Variants in ESRRG observed in about 807,000 individuals in gnomAD.
ESRRG encodes the protein estrogen-related receptor gamma.
Under a neutral mutation model 44.0 loss-of-function variants are expected in ESRRG, and 13 were observed. That is an observed-to-expected ratio of 0.30 (90% CI 0.19 to 0.47). The LOEUF is 0.47. ESRRG is among the 20% of genes least tolerant of loss of function. The probability of loss-of-function intolerance (pLI) is 1.00; values close to 1 mark genes in which losing one functional copy is unlikely to be tolerated. For synonymous variants in ESRRG, 215 were observed against 214.6 expected (o/e 1.00, Z -0.02); for missense variants, 395 against 580.6 (o/e 0.68, Z 3.29).
intron 2 of ESRRG, among the ~76,000 whole-genome samples, chr1:216,736,233 A>G (rs1175023839): frequency 8.1e-6 from 1 of 122,826 alleles, no homozygotes; most frequent in African/African-American, 3.2e-5. Flanking sequence ...CTCAGGCTGG[A>G]GTGCAGTGGC....
At chr1:217,001,789 T>C (rs2077065089) in intron 1 of ESRRG, among the ~76,000 whole-genome samples, 1 of 152,084 alleles carries the variant, frequency 6.6e-6, no homozygotes, top group Non-Finnish European at 1.5e-5. Context: ...ACTTTGACTT[T>C]TACTGAAGGA....
intron 2 of ESRRG, among the ~76,000 whole-genome samples, chr1:216,930,353 A>G (rs2063174920): frequency 6.6e-6 from 1 of 152,088 alleles, no homozygotes; most frequent in African/African-American, 2.4e-5. Context: ...CAGGTGATCC[A>G]TTTATTCATC....
chr1:216,677,198 T>C lies in ESRRG; in HGVS notation c.350A>G (p.Glu117Gly). ...CTTGGGCATCGAGTTGAGCATGTAT[T>C]CACACTTGGTCTGGGGATCTTCAAC... ...TIVEDPQTKC[E>G]YMLNSMPKRL... The change falls in exon 2 of 7, where the codon GAA (glutamate) becomes GGA (glycine). Residue 117 changes from glutamate (E) to glycine (G), a missense_variant. By Grantham distance (98) the Glu-to-Gly change is moderately conservative (BLOSUM62 -2). Transcript: ENST00000408911. The C allele has an allele frequency of 6.2e-7, 1 of 1,614,170 alleles. No individual in the cohort carries two copies. Among genetic ancestry groups the C allele is most frequent in the East Asian group, 2.2e-5 (1 of 44,866 alleles).
At chr1:216,764,063 A>G (rs2092940672) in intron 2 of ESRRG, among the ~76,000 whole-genome samples, 1 of 152,146 alleles carries the variant, frequency 6.6e-6, no homozygotes, top group African/African-American at 2.4e-5. Flanking sequence ...CGGAATCTCC[A>G]GGGGCTCTTG....
At chr1:216,659,676 T>C (rs943459554) in intron 2 of ESRRG, among the ~76,000 whole-genome samples, 1 of 152,208 alleles carries the variant, frequency 6.6e-6, no homozygotes, top group Non-Finnish European at 1.5e-5. Flanking sequence ...CTCTATGTGC[T>C]GCTTCTATCA....
At chr1:217,041,421 T>G (rs2083843860) in intron 1 of ESRRG, among the ~76,000 whole-genome samples, 1 of 152,122 alleles carries the variant, frequency 6.6e-6, no homozygotes, top group Admixed American at 6.5e-5. Context: ...ATAAACACAC[T>G]CACACACATA....
intron 2 of ESRRG, among the ~76,000 whole-genome samples, chr1:216,755,628 A>G (rs2092395660): frequency 1.3e-5 from 2 of 152,110 alleles, no homozygotes; most frequent in African/African-American, 2.4e-5. Flanking sequence ...TTTTAACTCA[A>G]TCCTTGCTGT....
chr1:216,569,199 A>G (rs867966353), intron 3 of ESRRG, among the ~76,000 whole-genome samples: 2 of 97,066 alleles, frequency 2.1e-5, no homozygotes, highest in African/African-American at 8.3e-5. Flanking sequence ...AGGGAAAGGA[A>G]AGGAAAGGAA....
At chr1:216,659,830 C>T (rs1040058109) in intron 2 of ESRRG, among the ~76,000 whole-genome samples, 11 of 152,056 alleles carry the variant, frequency 7.2e-5, no homozygotes, top group African/African-American at 2.4e-4. Flanking sequence ...GTGGAATTGC[C>T]CCCTTCCTGT....
chr1:216,525,160 G>A, intron 5 of ESRRG, among the ~76,000 whole-genome samples: 1 of 152,238 alleles, frequency 6.6e-6, no homozygotes, highest in East Asian at 1.9e-4. Flanking sequence ...TGACAATACA[G>A]GAAAGACTCA....
chr1:216,615,736 C>CTCT (rs1553421052), intron 3 of ESRRG, among the ~76,000 whole-genome samples: 10 of 137,238 alleles, frequency 7.3e-5, no homozygotes, highest in South Asian at 4.6e-4. Context: ...ATTTCTCTCT[C>CTCT]TTTTTTTTTT....
intron 1 of ESRRG, among the ~76,000 whole-genome samples, chr1:217,064,085 C>T (rs1199676271): frequency 6.6e-6 from 1 of 151,670 alleles, no homozygotes; most frequent in Non-Finnish European, 1.5e-5. Context: ...GTAAAATACA[C>T]AAAGCACAAG....
chr1:216,982,004 G>T (rs78716066), intron 1 of ESRRG, among the ~76,000 whole-genome samples: 2 of 152,150 alleles, frequency 1.3e-5, no homozygotes, highest in Non-Finnish European at 2.9e-5. Flanking sequence ...AAGCCTGAGC[G>T]CTTCGCTGCT....
intron 3 of ESRRG, among the ~76,000 whole-genome samples, chr1:216,607,796 C>T (rs1039288123): frequency 2.6e-5 from 4 of 152,104 alleles, no homozygotes; most frequent in African/African-American, 9.7e-5. Context: ...ATATCATAAT[C>T]CTTGCAATCA....
intron 2 of ESRRG, among the ~76,000 whole-genome samples, chr1:216,845,563 C>G (rs2095731452): frequency 2.0e-5 from 3 of 152,212 alleles, no homozygotes; most frequent in Admixed American, 1.3e-4. Flanking sequence ...AGCTGTGCCC[C>G]CATCTCTCCT....
intron 1 of ESRRG, among the ~76,000 whole-genome samples, chr1:217,018,820 C>A (rs1179900596): frequency 6.6e-6 from 1 of 152,124 alleles, no homozygotes; most frequent in Non-Finnish European, 1.5e-5. Context: ...CGTCTTAAGC[C>A]AGCAGCTATC....
At chr1:217,049,763 G>C (rs2085563427) in intron 1 of ESRRG, among the ~76,000 whole-genome samples, 1 of 152,126 alleles carries the variant, frequency 6.6e-6, no homozygotes, top group Admixed American at 6.6e-5. Flanking sequence ...CCAATCCAGG[G>C]AGATCAGCCA....
intron 3 of ESRRG, among the ~76,000 whole-genome samples, chr1:216,594,295 G>A (rs1274882862): frequency 6.6e-6 from 1 of 152,020 alleles, no homozygotes; most frequent in Non-Finnish European, 1.5e-5. Context: ...ATTTACATTT[G>A]TATTACAAAT....
intron 1 of ESRRG, among the ~76,000 whole-genome samples, chr1:217,104,752 T>C (rs2151574138): frequency 6.6e-6 from 1 of 152,270 alleles, no homozygotes; most frequent in South Asian, 2.1e-4. Context: ...AAAGAAACAG[T>C]GGCTTTATCA....
Sources: allele counts gnomAD v4.1 joint callset (sites outside exome capture counted in the v4.1 genomes callset), GRCh38; gene constraint gnomAD v4.1.1; transcripts MANE v1.5; gene names NCBI Gene and HGNC (gene_info 2026-07-23, HGNC 2026-07-21).